Variants in ILDR1 observed in about 807,000 individuals in gnomAD.
The protein encoded by ILDR1 is immunoglobulin like domain containing receptor 1.
Under a neutral mutation model 62.4 loss-of-function variants are expected in ILDR1, and 56 were observed. The ratio of observed to expected loss-of-function variants is 0.90; its 90% CI spans 0.72 to 1.12. ILDR1 has a LOEUF of 1.12. Among genes scored for constraint, ILDR1 ranks in the 50% most tolerant of loss-of-function variants. The pLI, the probability that ILDR1 is intolerant of heterozygous loss-of-function variation, is 0.00. For synonymous variants in ILDR1, 284 were observed against 277.8 expected, an observed-to-expected ratio of 1.02 and a Z score of -0.22; for missense variants, 736 against 710.6, an observed-to-expected ratio of 1.04 and a Z score of -0.41.
the ILDR1 span, among the ~76,000 whole-genome samples, chr3:122,029,792 A>C: frequency 6.6e-6 from 1 of 152,184 alleles, no homozygotes; most frequent in Non-Finnish European, 1.5e-5. Flanking sequence ...GTGACCTTTT[A>C]CTATAGAATT....
chr3:122,012,044 T>A (rs1047358760), intron 1 of ILDR1, among the ~76,000 whole-genome samples: 1 of 152,154 alleles, frequency 6.6e-6, no homozygotes, highest in Non-Finnish European at 1.5e-5. Flanking sequence ...TAAAAAGCAG[T>A]CAGATTTTCC....
chr3:122,005,239 CTCACGGT>C lies in ILDR1; in HGVS notation c.377_379+4del. On this transcript the variant is annotated splice_donor_variant and splice_donor_region_variant and coding_sequence_variant and intron_variant, in exon 3 of 8. Transcript: ENST00000344209. LOFTEE classifies it high-confidence loss of function. Reference sequence around the variant, plus strand: ...CAGTTCCCCTGACACCTCCCCCGCACTCACGGTTCTGGATGGTGATCTTGCGCTGCCG... The same window carrying C: ...CAGTTCCCCTGACACCTCCCCCGCACTCTGGATGGTGATCTTGCGCTGCCG... 6 of 1,603,702 alleles carry C rather than the reference CTCACGGT, an allele frequency of 3.7e-6. No individual in the cohort carries two copies. Among genetic ancestry groups the C allele is most frequent in the Non-Finnish European group, 5.1e-6 (6 of 1,170,986 alleles).
intron 4 of ILDR1, 78 bp from the exon 5 acceptor site, chr3:122,001,532 G>T: frequency 6.4e-7 from 1 of 1,554,088 alleles, no homozygotes; most frequent in Non-Finnish European, 8.9e-7. Flanking sequence ...TATCCTAGAG[G>T]TCTCATAAAC....
In ILDR1 at chr3:122,022,071, A is replaced by G; in HGVS notation, c.7T>C (p.Trp3Arg). 6.2e-7 allele frequency: 1 copy of G among 1,608,696 alleles called. No individual in the cohort carries two copies. Among genetic ancestry groups the G allele is most frequent in the African/African-American group, 1.3e-5 (1 of 74,992 alleles). The change falls in exon 1 of 8, where the codon TGG becomes CGG. Residue 3 changes from tryptophan (W) to arginine (R), a missense_variant. Trp to Arg is a moderately radical substitution (Grantham distance 101). Coordinates refer to ENST00000344209, the MANE Select transcript of ILDR1 (RefSeq NM_001199799.2). The stretch of plus-strand genomic sequence containing the variant: ...AGCCAAGGTGCGGGCAGTTTGGGCC[A>G]TGCCATGCCGCCCCCTTTCTGGCCC... Reference protein sequence around the residue: MAWPKLPAPWLLL... With the variant: MARPKLPAPWLLL...
the ILDR1 span, among the ~76,000 whole-genome samples, chr3:122,050,962 T>A: frequency 6.6e-6 from 1 of 152,220 alleles, no homozygotes; most frequent in African/African-American, 2.4e-5. Context: ...CCTCATCCCA[T>A]TCCCTTTTGT....
At chr3:122,012,425 G>T (rs2071717966) in intron 1 of ILDR1, among the ~76,000 whole-genome samples, 6 of 152,018 alleles carry the variant, frequency 3.9e-5, no homozygotes. Flanking sequence ...TCTCAAAAAT[G>T]TTAATTCTAG....
chr3:122,038,516 T>TA, the ILDR1 span, among the ~76,000 whole-genome samples: 1 of 152,226 alleles, frequency 6.6e-6, no homozygotes, highest in African/African-American at 2.4e-5. Flanking sequence ...AGAAAAGGCA[T>TA]GTTTATCTGC....
the ILDR1 span, among the ~76,000 whole-genome samples, chr3:122,044,604 T>C: frequency 1.3e-3 from 191 of 151,788 alleles, 1 homozygote; most frequent in African/African-American, 4.4e-3. Flanking sequence ...CTCCTGTTAT[T>C]GGTTTATTCA....
At position 122,001,805 on chromosome 3, in the gene ILDR1, T is replaced by C; in HGVS notation, c.439A>G (p.Ile147Val). The change falls in exon 4 of 8, where the codon ATT (isoleucine) becomes GTT (valine). Residue 147 changes from isoleucine (I) to valine (V), a missense_variant. Transcript: ENST00000344209. Reference protein sequence around the residue: ...WWDHGVYYCTIEAPGDTSGDP... With the variant: ...WWDHGVYYCTVEAPGDTSGDP... Reference sequence around the variant, plus strand: ...CCTGATGTGTCCCCTGGAGCCTCAATGGTGCAGTAATACACTCCATGGTCC... The same window carrying C: ...CCTGATGTGTCCCCTGGAGCCTCAACGGTGCAGTAATACACTCCATGGTCC... 7 of 1,613,590 alleles carry C rather than the reference T, an allele frequency of 4.3e-6. No homozygotes were observed.
At chr3:122,053,902 A>AT in the ILDR1 span, among the ~76,000 whole-genome samples, 6 of 152,144 alleles carry the variant, frequency 3.9e-5, no homozygotes, top group East Asian at 7.7e-4. Flanking sequence ...GTTTACATGG[A>AT]TTTTTTTATC....
intron 7 of ILDR1, among the ~76,000 whole-genome samples, chr3:121,992,901 G>A (rs1272515574): frequency 1.3e-5 from 2 of 152,210 alleles, no homozygotes; most frequent in East Asian, 1.9e-4. Flanking sequence ...ACAGGACTGC[G>A]ATGACAGCCG....
At chr3:121,996,551 G>C (rs2071438811) in intron 5 of ILDR1, among the ~76,000 whole-genome samples, 1 of 152,164 alleles carries the variant, frequency 6.6e-6, no homozygotes, top group South Asian at 2.1e-4. Flanking sequence ...ACCTAATGGG[G>C]AATCAGATAG....
the ILDR1 span, among the ~76,000 whole-genome samples, chr3:122,041,917 T>G: frequency 6.6e-6 from 1 of 151,612 alleles, no homozygotes. Flanking sequence ...TTTCTTTTTT[T>G]TTTTTATTAT....
intron 5 of ILDR1, 88 bp from the exon 6 acceptor site, chr3:121,994,401 A>C: frequency 7.1e-7 from 1 of 1,407,354 alleles, no homozygotes; most frequent in South Asian, 1.4e-5. Context: ...GGGGCCTTGC[A>C]AGAGGCCAGC....
chr3:122,045,039 T>C, the ILDR1 span, among the ~76,000 whole-genome samples: 9 of 152,076 alleles, frequency 5.9e-5, no homozygotes, highest in East Asian at 1.7e-3. Flanking sequence ...TTTCCTGCTT[T>C]CTCTTGTGGG....
intron 5 of ILDR1, among the ~76,000 whole-genome samples, chr3:121,995,847 C>A (rs2071428501): frequency 6.6e-6 from 1 of 152,208 alleles, no homozygotes. Context: ...GGAAGCTGGG[C>A]TCAGAGAGAT....
intron 5 of ILDR1, among the ~76,000 whole-genome samples, chr3:122,000,400 G>A (rs1228970083): frequency 6.6e-6 from 1 of 152,138 alleles, no homozygotes; most frequent in Non-Finnish European, 1.5e-5. Flanking sequence ...AACCCAAAAG[G>A]ACTAGGTTCA....
the ILDR1 span, among the ~76,000 whole-genome samples, chr3:122,047,583 C>T: frequency 4.6e-5 from 7 of 152,200 alleles, no homozygotes; most frequent in South Asian, 4.2e-4. Flanking sequence ...GGGCGTAGGA[C>T]CCTCCGAGCC....
In ILDR1 at chr3:121,987,945, C is replaced by G; in HGVS notation, c.*422G>C. On this transcript the variant is annotated 3_prime_UTR_variant, in exon 8 of 8. Coordinates refer to ENST00000344209, the MANE Select transcript of ILDR1 (RefSeq NM_001199799.2). The stretch of plus-strand genomic sequence containing the variant: ...TTAGTAATGGGGACTTGCTCTATTG[C>G]CCAGGCTGGAATACAGATGTGTGAT... The G allele has an allele frequency of 3.4e-6, 1 of 297,440 alleles. No individual in the cohort carries two copies. Among genetic ancestry groups the G allele is most frequent in the Non-Finnish European group, 6.6e-6 (1 of 151,950 alleles). 18.4% of individuals were successfully genotyped at this position (297,440 alleles called of 1,614,324 possible). A position where few individuals can be genotyped will look rare whatever the true frequency, so the allele number is the denominator to read the frequency against.
Sources: gnomAD v4.1 joint callset for allele counts (sites outside exome capture counted in the v4.1 genomes callset) on GRCh38, gnomAD v4.1.1 for gene constraint, MANE v1.5 for transcripts, NCBI Gene and HGNC (gene_info 2026-07-23, HGNC 2026-07-21) for gene names.